The following ECSIT variants were observed in gnomAD, a reference collection of about 807,000 sequenced individuals.
The protein encoded by ECSIT is ECSIT signaling integrator.
In ECSIT, 29 loss-of-function variants were observed where a neutral mutation model predicts 36.8. The observed-to-expected ratio is 0.79, with a 90% CI of 0.59 to 1.08. The LOEUF (loss-of-function observed/expected upper bound fraction) is 1.08. Ranked by LOEUF, ECSIT falls within the 50% of genes least tolerant of loss-of-function variation. ECSIT has a pLI of 0.00. For missense variants in ECSIT, 542 were observed against 581.0 expected (o/e 0.93, Z 0.69); for synonymous variants, 231 against 234.8 (o/e 0.98, Z 0.15).
At chr19:11,522,116 A>T in intron 1 of ECSIT, 1 of 384,696 alleles carries the variant, frequency 2.6e-6, no homozygotes, top group East Asian at 6.1e-5. Flanking sequence ...TTTGTATCTC[A>T]GCTAAAGAAG....
At chr19:11,515,104 CTT>C (rs576893211) in intron 2 of ECSIT, among the ~76,000 whole-genome samples, 37 of 127,070 alleles carry the variant, frequency 2.9e-4, no homozygotes, top group Admixed American at 4.0e-4. Context: ...CTCCCCAAGT[CTT>C]TTTTTTTTTT....
At chr19:11,515,367 G>T (rs1305734899) in intron 2 of ECSIT, among the ~76,000 whole-genome samples, 1 of 152,036 alleles carries the variant, frequency 6.6e-6, no homozygotes, top group Non-Finnish European at 1.5e-5. Context: ...CCTCCCAAGT[G>T]CTGGGATTAC....
chr19:11,526,218 C>T (rs1972213355), intron 1 of ECSIT, among the ~76,000 whole-genome samples: 1 of 152,124 alleles, frequency 6.6e-6, no homozygotes, highest in South Asian at 2.1e-4. Flanking sequence ...CTGCCTTGGC[C>T]TCCCAAAGTG....
chr19:11,522,912 T>C (rs536997536), intron 1 of ECSIT, among the ~76,000 whole-genome samples: 1 of 147,386 alleles, frequency 6.8e-6, no homozygotes, highest in African/African-American at 2.5e-5. Context: ...CTACTAAAAA[T>C]ACAAAAAAAA....
At position 11,519,029 on chromosome 19, in the gene ECSIT, C is replaced by G. The variant is rs1177987489; in HGVS notation, c.96+46G>C. On this transcript the variant is annotated intron_variant, in intron 2 of 7. Coordinates refer to ENST00000270517, the MANE Select transcript of ECSIT (RefSeq NM_016581.5). The surrounding 1 kb of genome is among the most constrained non-coding windows in gnomAD (Gnocchi z 4.4). Reference sequence around the variant, plus strand: ...TTCTGAAGGAGTTGGGAGCAAATCCCAAGCTTACCTCCCTCTACCCAAAAG... The same window carrying G: ...TTCTGAAGGAGTTGGGAGCAAATCCGAAGCTTACCTCCCTCTACCCAAAAG... 1 of 1,501,004 alleles carries G rather than the reference C, an allele frequency of 6.7e-7. No homozygotes were observed. Among genetic ancestry groups the G allele is most frequent in the Non-Finnish European group, 9.1e-7 (1 of 1,100,790 alleles). The allele number at this position is 1,501,004 out of a possible 1,614,324, so 93.0% of individuals were successfully genotyped here.
chr19:11,524,699 T>C (rs192613688), intron 1 of ECSIT, among the ~76,000 whole-genome samples: 24 of 150,748 alleles, frequency 1.6e-4, no homozygotes, highest in African/African-American at 5.6e-4. Flanking sequence ...GTGGCACTCA[T>C]TTGTAGTCCC....
chr19:11,524,339 T>A (rs1016968415), intron 1 of ECSIT, among the ~76,000 whole-genome samples: 1 of 151,928 alleles, frequency 6.6e-6, no homozygotes, highest in African/African-American at 2.4e-5. Flanking sequence ...CTGGCCAACA[T>A]TGTGAAACCC....
At position 11,507,482 on chromosome 19, in the gene ECSIT, G is replaced by C. The variant is rs1599574805; in HGVS notation, c.1026C>G (p.Asp342Glu). ...CTTCATTGATGTCAAACTCGTAGTT[G>C]TCCCAGCCACTCCTCACATACTCCA... Reference protein sequence around the residue: ...LDLEYVRSGWDNYEFDINEVE... With the variant: ...LDLEYVRSGWENYEFDINEVE... Residue 342 changes from aspartate (D) to glutamate (E), a missense_variant, in exon 7 of 8, where the codon GAC (aspartate) becomes GAG (glutamate). Coordinates refer to ENST00000270517, the MANE Select transcript of ECSIT (RefSeq NM_016581.5). The C allele has an allele frequency of 1.2e-6, 2 of 1,614,000 alleles. No individual in the cohort carries two copies.
chr19:11,514,457 G>T (rs1971946313), intron 2 of ECSIT, among the ~76,000 whole-genome samples: 1 of 152,080 alleles, frequency 6.6e-6, no homozygotes, highest in Admixed American at 6.6e-5. Context: ...GGTAAAAACT[G>T]CCACGGAGGC....
intron 1 of ECSIT, among the ~76,000 whole-genome samples, chr19:11,524,938 A>C (rs1175744737): frequency 6.6e-6 from 1 of 152,004 alleles, no homozygotes; most frequent in Non-Finnish European, 1.5e-5. Context: ...GGAGTTCAAG[A>C]CCAGCTTGGC....
At chr19:11,515,874 C>T (rs574982489) in intron 2 of ECSIT, among the ~76,000 whole-genome samples, 12 of 152,128 alleles carry the variant, frequency 7.9e-5, no homozygotes, top group South Asian at 2.1e-4. Context: ...CCTTGTGATC[C>T]GCCCACCTCG....
In ECSIT at chr19:11,514,045, C is replaced by A. The variant is rs1971934580; in HGVS notation, c.273G>T (p.Gln91His). 3.1e-6 allele frequency: 5 copies of A among 1,614,220 alleles called. No homozygotes were observed. The East Asian group carries it at 1.1e-4, about 36-fold the overall frequency. Residue 91 changes from glutamine (Q) to histidine (H), a missense_variant, in exon 3 of 8, where the codon CAG (glutamine) becomes CAT (histidine). Physicochemically the swap from Gln to His is conservative, Grantham distance 24. Coordinates refer to ENST00000270517, the MANE Select transcript of ECSIT (RefSeq NM_016581.5). ...TGTGCTCCGCAAATTTCTGCACCGT[C>A]TGCAGGAAGCTCGCCTTGTCCCGTT... ...GGERDKASFL[Q>H]TVQKFAEHSV...
At chr19:11,507,941 G>A (rs765504772) in intron 5 of ECSIT, 50 bp downstream of exon 5, 5 of 1,614,128 alleles carry the variant, frequency 3.1e-6, no homozygotes, top group Non-Finnish European at 8.5e-7. Flanking sequence ...GAACCTGGCA[G>A]GGCCTGGGTA....
At chr19:11,526,992 T>A (rs1972228662) in intron 1 of ECSIT, among the ~76,000 whole-genome samples, 1 of 151,144 alleles carries the variant, frequency 6.6e-6, no homozygotes, top group Admixed American at 6.6e-5. Flanking sequence ...AGTGCTAGGA[T>A]TACAGGTGTG....
Position 11,507,824 on chromosome 19 carries a change from C to G in ECSIT, c.823G>C (p.Ala275Pro). Residue 275 changes from alanine to proline, a missense_variant, in exon 6 of 8, where the codon GCC becomes CCC. Ala to Pro is a conservative substitution (Grantham distance 27, BLOSUM62 -1). Coordinates refer to ENST00000270517, the MANE Select transcript of ECSIT (RefSeq NM_016581.5). ...CGGGCTGGATTGTGGCGGGCCAGGG[C>G]GGCCTGCTGATCGGGACTCTGGATT... ...VGIQSPDQQA[A>P]LARHNPARPV... The G allele has an allele frequency of 6.2e-7, 1 of 1,613,210 alleles. No homozygotes were observed. The highest frequency in any genetic ancestry group is 8.5e-7 in the Non-Finnish European group (1 of 1,179,954).
At chr19:11,507,417 G>C (rs371970463) in intron 7 of ECSIT, 40 bp downstream of exon 7, 10 of 1,534,058 alleles carry the variant, frequency 6.5e-6, no homozygotes, top group African/African-American at 1.4e-5. Flanking sequence ...CTGGGATTAC[G>C]AGCACACATG....
chr19:11,513,599 G>C (rs1971919835), intron 3 of ECSIT, among the ~76,000 whole-genome samples: 1 of 114,464 alleles, frequency 8.7e-6, no homozygotes, highest in Non-Finnish European at 1.8e-5. Flanking sequence ...AGTGGGGGGA[G>C]GAGAGGGAGG....
chr19:11,515,859 C>A (rs1368299305), intron 2 of ECSIT, among the ~76,000 whole-genome samples: 2 of 152,178 alleles, frequency 1.3e-5, no homozygotes, highest in East Asian at 3.9e-4. Flanking sequence ...GTCTTGAACT[C>A]CTGACCTTGT....
chr19:11,519,290 G>A lies in ECSIT; in HGVS notation c.-23-97C>T. On this transcript the variant is annotated intron_variant, in intron 1 of 7. Coordinates refer to ENST00000270517, the MANE Select transcript of ECSIT (RefSeq NM_016581.5). This position sits in a 1 kb window ranked among gnomAD's most constrained non-coding sequence, Gnocchi z 4.4. ...TCGAGGGCACACTCCAGATTATGTG[G>A]CTCACTCACCAGCCCCAATGTTTAC... 1 of 794,904 alleles carries A rather than the reference G, an allele frequency of 1.3e-6. No homozygotes were observed. The allele number at this position is 794,904 out of a possible 1,614,324, so 49.2% of individuals were successfully genotyped here. A position where few individuals can be genotyped will look rare whatever the true frequency, so the allele number is the denominator to read the frequency against.
Sources: allele counts gnomAD v4.1 joint callset (sites outside exome capture counted in the v4.1 genomes callset), GRCh38; gene constraint gnomAD v4.1.1; non-coding constraint Gnocchi (gnomAD v3.1); transcripts MANE v1.5; gene names NCBI Gene and HGNC (gene_info 2026-07-23, HGNC 2026-07-21).